ADAMTS20: variants seen among roughly 807,000 people sequenced by gnomAD.
The protein encoded by ADAMTS20 is ADAM metallopeptidase with thrombospondin type 1 motif 20.
A neutral mutation model predicts 260.1 loss-of-function variants in ADAMTS20; 225 were observed. That is an observed-to-expected ratio of 0.87 (90% CI 0.78 to 0.97). ADAMTS20 has a LOEUF of 0.97. ADAMTS20 is among the 50% of genes least tolerant of loss of function. The pLI, the probability that ADAMTS20 is intolerant of heterozygous loss-of-function variation, is 0.00. For synonymous variants in ADAMTS20, 802 were observed against 769.5 expected, an observed-to-expected ratio of 1.04 and a Z score of -0.70; for missense variants, 2,400 against 2,337.7, an observed-to-expected ratio of 1.03 and a Z score of -0.55.
chr12:43,363,532 A>G (rs1939919940), intron 37 of ADAMTS20, among the ~76,000 whole-genome samples: 1 of 152,154 alleles, frequency 6.6e-6, no homozygotes, highest in African/African-American at 2.4e-5. Context: ...CAGGGGTGTT[A>G]CTCTGAGGAA....
At chr12:43,452,020 A>G (rs748457579) in intron 14 of ADAMTS20, among the ~76,000 whole-genome samples, 8 of 152,058 alleles carry the variant, frequency 5.3e-5, no homozygotes, top group Non-Finnish European at 1.0e-4. Flanking sequence ...TCCTATTTTG[A>G]TTATGAGTAC....
Position 43,376,118 on chromosome 12 carries a change from G to A in ADAMTS20, c.5251C>T (p.Pro1751Ser), listed in dbSNP as rs199801998. Residue 1751 changes from proline to serine, a missense_variant, in exon 35 of 39, where the codon CCT (proline) becomes TCT (serine). Physicochemically the swap from Pro to Ser is moderately conservative, Grantham distance 74. Coordinates refer to ENST00000389420, the MANE Select transcript of ADAMTS20 (RefSeq NM_025003.5). ...TGGACCAGTGTTAAATATTCCTTAG[G>A]GTTCTCCAAGTACATGTCTGCACAA... ...IYCADMYLEN[P>S]KEYLTLVQGE... 5.2e-5 allele frequency: 83 copies of A among 1,609,516 alleles called. No individual in the cohort carries two copies. The highest frequency in any genetic ancestry group is 5.0e-5 in the Admixed American group (3 of 59,450).
chr12:43,515,926 T>A (rs1942994147), intron 3 of ADAMTS20, among the ~76,000 whole-genome samples: 1 of 152,214 alleles, frequency 6.6e-6, no homozygotes, highest in South Asian at 2.1e-4. Context: ...CAAATGAATG[T>A]TTAGTCGATC....
At chr12:43,528,823 G>T (rs1204335555) in intron 3 of ADAMTS20, among the ~76,000 whole-genome samples, 1 of 152,082 alleles carries the variant, frequency 6.6e-6, no homozygotes, top group Non-Finnish European at 1.5e-5. Flanking sequence ...TAATCCAAAA[G>T]CTTCTGCACA....
At chr12:43,457,453 G>T (rs1941984777) in intron 11 of ADAMTS20, among the ~76,000 whole-genome samples, 1 of 152,044 alleles carries the variant, frequency 6.6e-6, no homozygotes, top group African/African-American at 2.4e-5. Context: ...TTCTAGTCCA[G>T]ATCTCTCTCC....
chr12:43,426,183 C>G (rs949615392), intron 27 of ADAMTS20, among the ~76,000 whole-genome samples: 1 of 152,040 alleles, frequency 6.6e-6, no homozygotes, highest in Non-Finnish European at 1.5e-5. Flanking sequence ...AACAAAACAG[C>G]TGTATAATGT....
At chr12:43,540,634 A>G (rs922188946) in intron 2 of ADAMTS20, among the ~76,000 whole-genome samples, 2 of 23,092 alleles carry the variant, frequency 8.7e-5, no homozygotes, top group Admixed American at 7.6e-4. Context: ...AGGAATTAGC[A>G]GACTTAAAAA....
At chr12:43,426,316 C>G (rs1941332719) in intron 27 of ADAMTS20, among the ~76,000 whole-genome samples, 1 of 152,136 alleles carries the variant, frequency 6.6e-6, no homozygotes, top group South Asian at 2.1e-4. Context: ...CATGTAAACT[C>G]AGAAATAGAA....
At chr12:43,364,206 A>G (rs1200073659) in intron 37 of ADAMTS20, among the ~76,000 whole-genome samples, 2 of 152,158 alleles carry the variant, frequency 1.3e-5, no homozygotes, top group South Asian at 4.1e-4. Flanking sequence ...AAATACACAA[A>G]CAAAGAAGTA....
chr12:43,384,006 A>C lies in ADAMTS20; in HGVS notation c.4453-29T>G, dbSNP rs1210311343. ...CAAAGGAGTCCAGTTGATTTGAACA[A>C]TTAGCTAATAAATACCAAATTATAT... On this transcript the variant is annotated intron_variant, in intron 29 of 38. Transcript: ENST00000389420. 5 of 1,568,128 alleles carry C rather than the reference A, an allele frequency of 3.2e-6. No homozygotes were observed. The South Asian group carries it at 4.8e-5, about 15-fold the overall frequency.
At position 43,376,535 on chromosome 12, in the gene ADAMTS20, T is replaced by A; in HGVS notation, c.5114A>T (p.Tyr1705Phe). 6.2e-7 allele frequency: 1 copy of A among 1,612,540 alleles called. No individual in the cohort carries two copies. The highest frequency in any genetic ancestry group is 2.2e-5 in the East Asian group (1 of 44,864). ...AGTCTACTACTTACAGTCATTGGCA[T>A]AACATTTCTTTTGAGCACCTGGTTT... ...HLKPGAQKKC[Y>F]ANDCKSFTTC... Residue 1705 changes from tyrosine (Y) to phenylalanine (F), a missense_variant, in exon 33 of 39, where the codon TAT becomes TTT. Physicochemically the swap from Tyr to Phe is conservative, Grantham distance 22. Transcript: ENST00000389420.
chr12:43,411,515 C>T (rs1458280551), intron 28 of ADAMTS20, among the ~76,000 whole-genome samples: 1 of 151,832 alleles, frequency 6.6e-6, no homozygotes, highest in Non-Finnish European at 1.5e-5. Context: ...TTACAGGCGC[C>T]CACCACCACG....
In ADAMTS20 at chr12:43,375,907, C is replaced by A; in HGVS notation, c.5312+150G>T. ...GGCTTTATTTCTGAACAGGCATTAA[C>A]AACATCTAGTTTAGGTCCTAACATG... On this transcript the variant is annotated intron_variant, in intron 35 of 38. Coordinates refer to ENST00000389420, the MANE Select transcript of ADAMTS20 (RefSeq NM_025003.5). 8.0e-6 allele frequency: 5 copies of A among 623,854 alleles called. No individual in the cohort carries two copies. In the South Asian group the frequency reaches 1.1e-4, roughly 14 times the overall value. The allele number at this position is 623,854 out of a possible 1,614,324, so 38.6% of individuals were successfully genotyped here. A position where few individuals can be genotyped will look rare whatever the true frequency, so the allele number is the denominator to read the frequency against.
intron 6 of ADAMTS20, 127 bp from the exon 7 acceptor site, chr12:43,490,562 C>T (rs1565570068): frequency 2.1e-6 from 1 of 472,158 alleles, no homozygotes; most frequent in Admixed American, 4.7e-5. Context: ...ATCTAGTTCA[C>T]ATTAACCTCT....
chr12:43,405,229 C>CAAAAAAAAAAAAAAAAAA (rs869040570), intron 28 of ADAMTS20, among the ~76,000 whole-genome samples: 1 of 52,790 alleles, frequency 1.9e-5, no homozygotes, highest in Admixed American at 2.9e-4. Context: ...CTCATCTCTA[C>CAAAAAAAAAAAAAAAAAA]AAAAAAAAAA....
At chr12:43,435,365 G>A (rs1298222439) in intron 18 of ADAMTS20, among the ~76,000 whole-genome samples, 1 of 152,078 alleles carries the variant, frequency 6.6e-6, no homozygotes, top group Non-Finnish European at 1.5e-5. Context: ...TCTAGGCCGG[G>A]CGTGTTGGCT....
intron 7 of ADAMTS20, among the ~76,000 whole-genome samples, chr12:43,470,484 A>G (rs985862413): frequency 1.3e-5 from 2 of 152,226 alleles, no homozygotes; most frequent in African/African-American, 4.8e-5. Flanking sequence ...ACAAAACTCA[A>G]AGTAAATGGT....
At chr12:43,412,496 T>C (rs961023360) in intron 28 of ADAMTS20, among the ~76,000 whole-genome samples, 2 of 152,240 alleles carry the variant, frequency 1.3e-5, no homozygotes, top group Non-Finnish European at 2.9e-5. Flanking sequence ...TCAAGATTTC[T>C]GTTGTTTTGT....
chr12:43,544,299 G>A (rs1226761459), intron 2 of ADAMTS20, among the ~76,000 whole-genome samples: 1 of 152,172 alleles, frequency 6.6e-6, no homozygotes, highest in Admixed American at 6.5e-5. Flanking sequence ...TAATTTTCCT[G>A]CATCGAATGA....
Sources: allele counts gnomAD v4.1 joint callset (sites outside exome capture counted in the v4.1 genomes callset), GRCh38; gene constraint gnomAD v4.1.1; transcripts MANE v1.5; gene names NCBI Gene and HGNC (gene_info 2026-07-23, HGNC 2026-07-21).